Variants in FMN1 observed in about 807,000 individuals in gnomAD.
FMN1 encodes formin 1, also known as formin-1.
FMN1 carries 110 observed loss-of-function variants against 132.4 expected under a neutral mutation model. The observed-to-expected ratio is 0.83, with a 90% CI of 0.71 to 0.97. FMN1 has a LOEUF of 0.97. Ranked by LOEUF, FMN1 falls within the 50% of genes least tolerant of loss-of-function variation. The pLI is 0.00. For missense variants in FMN1, 1,792 were observed against 1,705.3 expected, an observed-to-expected ratio of 1.05 and a Z score of -0.90; for synonymous variants, 722 against 651.7, an observed-to-expected ratio of 1.11 and a Z score of -1.64.
At chr15:33,079,101 T>C (rs144365901) in intron 5 of FMN1, among the ~76,000 whole-genome samples, 1 of 152,342 alleles carries the variant, frequency 6.6e-6, no homozygotes, top group East Asian at 1.9e-4. Context: ...AAAATTCAGT[T>C]CTATTCTGTG....
At chr15:33,014,184 G>C (rs1057324540) in intron 6 of FMN1, among the ~76,000 whole-genome samples, 6 of 152,216 alleles carry the variant, frequency 3.9e-5, no homozygotes, top group Admixed American at 3.9e-4. Flanking sequence ...GTTCACAAGA[G>C]AGTAGTAAGA....
intron 16 of FMN1, among the ~76,000 whole-genome samples, chr15:32,875,070 AGTAATTC>A (rs1263113110): frequency 6.6e-6 from 1 of 152,216 alleles, no homozygotes; most frequent in Non-Finnish European, 1.5e-5. Flanking sequence ...TCTCTCACTC[AGTAATTC>A]CTTGAAAACA....
At chr15:33,058,362 GTTTTA>G (rs2037330804) in intron 6 of FMN1, among the ~76,000 whole-genome samples, 2 of 152,092 alleles carry the variant, frequency 1.3e-5, no homozygotes, top group African/African-American at 4.8e-5. Context: ...GAATGCACTG[GTTTTA>G]TTTTCTCTAA....
At chr15:32,800,058 T>TA (rs774410139) in intron 18 of FMN1, among the ~76,000 whole-genome samples, 2 of 152,168 alleles carry the variant, frequency 1.3e-5, no homozygotes, top group Non-Finnish European at 2.9e-5. Flanking sequence ...GAAGCTCCGT[T>TA]ACTATTATGG....
intron 6 of FMN1, among the ~76,000 whole-genome samples, chr15:33,042,969 A>G (rs1347382452): frequency 6.6e-6 from 1 of 152,078 alleles, no homozygotes; most frequent in Admixed American, 6.5e-5. Context: ...AAAACAAATA[A>G]TGGAAGCGAA....
intron 12 of FMN1, 122 bp from the exon 13 acceptor site, chr15:32,902,162 T>C (rs912605546): frequency 1.2e-6 from 1 of 835,378 alleles, no homozygotes; most frequent in Non-Finnish European, 1.8e-6. Flanking sequence ...TTATAAAAGG[T>C]GTCACATAGG....
At chr15:33,150,032 T>C (rs991378889) in intron 4 of FMN1, 6 of 985,322 alleles carry the variant, frequency 6.1e-6, no homozygotes, top group African/African-American at 5.2e-5. Context: ...CAGGAAGAAC[T>C]ATGCCTGGAG....
At chr15:33,008,950 A>G (rs537446216) in intron 6 of FMN1, among the ~76,000 whole-genome samples, 11 of 152,212 alleles carry the variant, frequency 7.2e-5, no homozygotes, top group African/African-American at 1.2e-4. Context: ...TCATTGAAAT[A>G]TGTGTGAAAG....
In FMN1 at chr15:32,844,053, T is replaced by C. The variant is rs557281613; in HGVS notation, c.3928+12962A>G. 2.0e-5 allele frequency among the ~76,000 whole-genome samples: 3 copies of C among 152,106 alleles called. 1 individual carries two copies. Among genetic ancestry groups the C allele is most frequent in the African/African-American group, 7.2e-5 (3 of 41,392 alleles). Reference sequence around the variant, plus strand: ...TCTACTTCTCAATTCAGAAGATTAATAAAAGGATTAAGGAATTAAATAATC... The same window carrying C: ...TCTACTTCTCAATTCAGAAGATTAACAAAAGGATTAAGGAATTAAATAATC... On this transcript the variant is annotated intron_variant, in intron 17 of 20. Transcript: ENST00000616417.
At chr15:32,937,494 T>A (rs2061304359) in intron 9 of FMN1, among the ~76,000 whole-genome samples, 1 of 152,330 alleles carries the variant, frequency 6.6e-6, no homozygotes, top group Non-Finnish European at 1.5e-5. Flanking sequence ...TATTATTAAA[T>A]TGGCATCTCC....
intron 9 of FMN1, among the ~76,000 whole-genome samples, chr15:32,927,391 A>G (rs1260238345): frequency 6.6e-6 from 1 of 152,124 alleles, no homozygotes; most frequent in East Asian, 1.9e-4. Context: ...AGCAAGCACT[A>G]TAGGTGCAGG....
intron 17 of FMN1, among the ~76,000 whole-genome samples, chr15:32,814,589 A>G (rs1255863943): frequency 6.6e-6 from 1 of 152,224 alleles, no homozygotes; most frequent in Non-Finnish European, 1.5e-5. Context: ...TTTCATCAAG[A>G]ACCTTAGTGA....
chr15:32,776,693 T>C (rs1466892697), intron 20 of FMN1, 142 bp downstream of exon 20: 12 of 564,456 alleles, frequency 2.1e-5, no homozygotes, highest in East Asian at 2.9e-5. Context: ...CATACTTTTT[T>C]TTTTTTTTTT....
chr15:32,983,620 A>G (rs890471097), intron 7 of FMN1, among the ~76,000 whole-genome samples: 3 of 152,224 alleles, frequency 2.0e-5, no homozygotes, highest in Admixed American at 2.0e-4. Context: ...ATGTTACATA[A>G]AAGTTGGGCT....
intron 9 of FMN1, among the ~76,000 whole-genome samples, chr15:32,951,202 A>G (rs1347669304): frequency 6.6e-6 from 1 of 152,230 alleles, no homozygotes; most frequent in African/African-American, 2.4e-5. Context: ...AAAGATTTAA[A>G]AAGGTGATAT....
At chr15:32,995,679 T>C (rs572192398) in intron 7 of FMN1, among the ~76,000 whole-genome samples, 1 of 152,324 alleles carries the variant, frequency 6.6e-6, no homozygotes, top group East Asian at 1.9e-4. Flanking sequence ...TTACCAATCA[T>C]GAGAGAGATA....
At chr15:32,891,871 G>A (rs1458733245) in intron 15 of FMN1, among the ~76,000 whole-genome samples, 1 of 152,124 alleles carries the variant, frequency 6.6e-6, no homozygotes, top group Non-Finnish European at 1.5e-5. Context: ...CACTGTCGGT[G>A]TACAGAAGAG....
chr15:32,952,459 C>CAAAT (rs2061674850), intron 9 of FMN1, among the ~76,000 whole-genome samples: 1 of 152,176 alleles, frequency 6.6e-6, no homozygotes, highest in African/African-American at 2.4e-5. Flanking sequence ...TTGCAAGGAA[C>CAAAT]ATTTATGTTC....
intron 2 of FMN1, among the ~76,000 whole-genome samples, chr15:33,180,744 C>CTTTTTTTTT (rs35033683): frequency 9.2e-6 from 1 of 108,222 alleles, no homozygotes. Context: ...CTCCTGCTGC[C>CTTTTTTTTT]TTTTTTTTTT....
Sources: allele counts gnomAD v4.1 joint callset (sites outside exome capture counted in the v4.1 genomes callset), GRCh38; gene constraint gnomAD v4.1.1; transcripts MANE v1.5; gene names NCBI Gene and HGNC (gene_info 2026-07-23, HGNC 2026-07-21).